Variants in FGF2 observed in about 807,000 individuals in gnomAD.
FGF2 encodes fibroblast growth factor 2, also known as basic fibroblast growth factor bFGF.
FGF2 carries 13 observed loss-of-function variants against 15.9 expected under a neutral mutation model. That is an observed-to-expected ratio of 0.82 (90% confidence interval 0.53 to 1.30). FGF2 has a LOEUF of 1.30. Among genes scored for constraint, FGF2 ranks in the 50% most tolerant of loss-of-function variants. The probability of loss-of-function intolerance (pLI) is 0.00; values close to 1 mark genes in which losing one functional copy is unlikely to be tolerated. For missense variants in FGF2, 163 were observed against 196.9 expected, an observed-to-expected ratio of 0.83 and a Z score of 1.03; for synonymous variants, 90 against 78.4, an observed-to-expected ratio of 1.15 and a Z score of -0.78.
chr4:122,826,886 T>G lies in FGF2; in HGVS notation c.-289T>G, dbSNP rs781185472. ...GCAACGGGATCCCGGGCGCTGCAGC[T>G]TGGGAGGCGGCTCTCCCCAGGCGGC... On this transcript the variant is annotated 5_prime_UTR_variant, in exon 1 of 3. Transcript: ENST00000644866. The G allele has an allele frequency of 6.6e-7, 1 of 1,525,452 alleles. No individual in the cohort carries two copies. Among genetic ancestry groups the G allele is most frequent in the South Asian group, 1.2e-5 (1 of 82,074 alleles). 94.5% of individuals were successfully genotyped at this position (1,525,452 alleles called of 1,614,324 possible). A position where few individuals can be genotyped will look rare whatever the true frequency, so the allele number is the denominator to read the frequency against.
Position 122,827,399 on chromosome 4 carries a change from C to G in FGF2, c.178+47C>G. On this transcript the variant is annotated intron_variant, in intron 1 of 2. Transcript: ENST00000644866. The surrounding 1 kb of genome is among the most constrained non-coding windows in gnomAD (Gnocchi z 4.2). ...CCGCCTCATTTCCATTTCGTGGGTT[C>G]TCGCCCGCTCTCTCCCCTCCAGCCT... 1.3e-6 allele frequency: 2 copies of G among 1,593,196 alleles called. No homozygotes were observed. The highest frequency in any genetic ancestry group is 1.7e-6 in the Non-Finnish European group (2 of 1,163,564).
In FGF2 at chr4:122,894,923, C is replaced by T. The variant is rs966476011; in HGVS notation, c.*2527C>T. 2 of 152,126 alleles carry T rather than the reference C, an allele frequency of 1.3e-5. No individual in the cohort carries two copies. Among genetic ancestry groups the T allele is most frequent in the Admixed American group, 6.6e-5 (1 of 15,260 alleles). The allele number at this position is 152,126 out of a possible 1,614,324, so 9.4% of individuals were successfully genotyped here. A position where few individuals can be genotyped will look rare whatever the true frequency, so the allele number is the denominator to read the frequency against. ...CTCTTAGTACCACTAATCAAAAGTT[C>T]GGCATGTAGCTCATGATCTATGCTG... On this transcript the variant is annotated 3_prime_UTR_variant, in exon 3 of 3. Transcript: ENST00000644866.
At chr4:122,865,316 G>GTT (rs1445115455) in intron 1 of FGF2, among the ~76,000 whole-genome samples, 11 of 152,124 alleles carry the variant, frequency 7.2e-5, no homozygotes, top group Admixed American at 3.9e-4. Flanking sequence ...TGTTGAGACA[G>GTT]GGTCTTCTCT....
chr4:122,897,787 T>C lies in FGF2; in HGVS notation c.*5391T>C. On this transcript the variant is annotated 3_prime_UTR_variant, in exon 3 of 3. Coordinates refer to ENST00000644866, the MANE Select transcript of FGF2 (RefSeq NM_001361665.2). ...TGGTCAAAGTGGTTGAGAATATATT[T>C]TTTAGTAATTGCATGCAAAATTTTT... 1 of 765,876 alleles carries C rather than the reference T, an allele frequency of 1.3e-6. No individual in the cohort carries two copies. The highest frequency in any genetic ancestry group is 1.7e-5 in the South Asian group (1 of 58,702). 47.4% of individuals were successfully genotyped at this position (765,876 alleles called of 1,614,324 possible).
At chr4:122,829,512 G>A (rs886529263) in intron 1 of FGF2, among the ~76,000 whole-genome samples, 18 of 152,312 alleles carry the variant, frequency 1.2e-4, no homozygotes, top group Admixed American at 7.2e-4. Flanking sequence ...AAAGGGAAAT[G>A]TAGAATAACT....
intron 2 of FGF2, among the ~76,000 whole-genome samples, chr4:122,880,228 C>T (rs1451142634): frequency 6.6e-6 from 1 of 151,300 alleles, no homozygotes; most frequent in Non-Finnish European, 1.5e-5. Context: ...GTCTGAAATC[C>T]AGTGAGGCAG....
intron 1 of FGF2, among the ~76,000 whole-genome samples, chr4:122,856,783 AT>A (rs1277399325): frequency 1.3e-5 from 2 of 152,204 alleles, no homozygotes; most frequent in Non-Finnish European, 2.9e-5. Flanking sequence ...ACATTGATTC[AT>A]TCAAGATACA....
At chr4:122,861,771 C>T (rs968179625) in intron 1 of FGF2, among the ~76,000 whole-genome samples, 2 of 152,094 alleles carry the variant, frequency 1.3e-5, no homozygotes, top group Non-Finnish European at 2.9e-5. Context: ...CACATACATA[C>T]CCCTACACTC....
intron 2 of FGF2, among the ~76,000 whole-genome samples, chr4:122,881,268 A>T (rs755516271): frequency 2.0e-5 from 3 of 152,170 alleles, no homozygotes; most frequent in Non-Finnish European, 4.4e-5. Flanking sequence ...GGTGATTAAC[A>T]TCTGGCTCCC....
intron 1 of FGF2, among the ~76,000 whole-genome samples, chr4:122,837,533 T>C (rs925734740): frequency 1.2e-4 from 19 of 152,244 alleles, no homozygotes; most frequent in African/African-American, 4.6e-4. Context: ...GTATTCTTAC[T>C]TTTTCTATTA....
intron 1 of FGF2, among the ~76,000 whole-genome samples, chr4:122,863,284 G>A (rs1726508951): frequency 6.6e-6 from 1 of 152,146 alleles, no homozygotes; most frequent in Non-Finnish European, 1.5e-5. Context: ...GTCTACTTTA[G>A]TTTGGCCTTT....
At chr4:122,858,564 GT>G (rs1259718865) in intron 1 of FGF2, among the ~76,000 whole-genome samples, 1 of 151,880 alleles carries the variant, frequency 6.6e-6, no homozygotes, top group East Asian at 1.9e-4. Flanking sequence ...TGCCTGGCTA[GT>G]TTTTTGTATT....
In FGF2 at chr4:122,894,698, A is replaced by T. The variant is rs1727297476; in HGVS notation, c.*2302A>T. 6.6e-6 allele frequency: 1 copy of T among 152,258 alleles called. No homozygotes were observed. The highest frequency in any genetic ancestry group is 1.5e-5 in the Non-Finnish European group (1 of 68,036). The allele number at this position is 152,258 out of a possible 1,614,324, so 9.4% of individuals were successfully genotyped here. ...GTAGCACTAGTCTTAAATTGTATAA[A>T]ATATCCCCTAACATGTTTAAATGTC... On this transcript the variant is annotated 3_prime_UTR_variant, in exon 3 of 3. Coordinates refer to ENST00000644866, the MANE Select transcript of FGF2 (RefSeq NM_001361665.2).
At chr4:122,876,468 T>A in intron 2 of FGF2, 44 bp downstream of exon 2, 1 of 1,149,380 alleles carries the variant, frequency 8.7e-7, no homozygotes, top group Non-Finnish European at 1.3e-6. Flanking sequence ...TTAGCTTTTA[T>A]TGCTGTTAAT....
upstream of FGF2, chr4:122,826,765 G>T: frequency 7.5e-7 from 1 of 1,324,694 alleles, no homozygotes; most frequent in Non-Finnish European, 9.8e-7. Context: ...GAGAACTGGG[G>T]GCGCGGGAGG....
intron 1 of FGF2, among the ~76,000 whole-genome samples, chr4:122,873,241 AT>A (rs35282289): frequency 6.6e-6 from 1 of 152,168 alleles, no homozygotes; most frequent in Non-Finnish European, 1.5e-5. Flanking sequence ...TTGGCTTTGC[AT>A]TTGGTGAAGG....
At chr4:122,868,298 G>A (rs308376) in intron 1 of FGF2, among the ~76,000 whole-genome samples, 7,186 of 152,190 alleles carry the variant, frequency 0.047, 322 homozygotes, top group South Asian at 0.14. Context: ...AGGCCCTGGT[G>A]TGTGTTGTTC....
intron 1 of FGF2, among the ~76,000 whole-genome samples, chr4:122,850,782 A>G (rs1374629688): frequency 6.6e-6 from 1 of 152,080 alleles, no homozygotes; most frequent in Non-Finnish European, 1.5e-5. Flanking sequence ...AAAAACCAAC[A>G]TGACCAGTTT....
chr4:122,886,647 G>A (rs1400439569), intron 2 of FGF2, among the ~76,000 whole-genome samples: 2 of 151,710 alleles, frequency 1.3e-5, no homozygotes, highest in Non-Finnish European at 2.9e-5. Flanking sequence ...TTATTTTGTT[G>A]CTCAAATAGT....
Sources: allele counts gnomAD v4.1 joint callset (sites outside exome capture counted in the v4.1 genomes callset), GRCh38; gene constraint gnomAD v4.1.1; non-coding constraint Gnocchi (gnomAD v3.1); transcripts MANE v1.5; gene names NCBI Gene and HGNC (gene_info 2026-07-23, HGNC 2026-07-21).